The following KCNQ5 variants were observed in gnomAD, a reference collection of about 807,000 sequenced individuals.
KCNQ5 encodes the protein potassium voltage-gated channel subfamily KQT member 5.
In KCNQ5, 30 loss-of-function variants were observed where a neutral mutation model predicts 98.2. That is an observed-to-expected ratio of 0.31 (90% CI 0.23 to 0.41). KCNQ5 has a LOEUF of 0.41. Ranked by LOEUF, KCNQ5 falls within the 10% of genes least tolerant of loss-of-function variation. The probability of loss-of-function intolerance (pLI) is 1.00; values close to 1 mark genes in which losing one functional copy is unlikely to be tolerated. For missense variants in KCNQ5, 835 were observed against 1,182.5 expected (o/e 0.71, Z 4.31); for synonymous variants, 458 against 449.4 (o/e 1.02, Z -0.24).
chr6:73,035,333 G>A (rs148614954), intron 2 of KCNQ5, among the ~76,000 whole-genome samples: 12 of 152,246 alleles, frequency 7.9e-5, no homozygotes, highest in African/African-American at 2.9e-4. Flanking sequence ...GCTTCTAGGG[G>A]CTTAAATAAG....
chr6:72,625,847 C>A (rs2098917771), intron 1 of KCNQ5, among the ~76,000 whole-genome samples: 1 of 152,182 alleles, frequency 6.6e-6, no homozygotes, highest in Non-Finnish European at 1.5e-5. Context: ...TTCTTTACCA[C>A]TTCTATTCCA....
At chr6:72,666,575 A>C (rs943474784) in intron 1 of KCNQ5, among the ~76,000 whole-genome samples, 3 of 152,144 alleles carry the variant, frequency 2.0e-5, no homozygotes, top group Non-Finnish European at 4.4e-5. Context: ...TAAATGACTT[A>C]ATGTATTGAA....
At chr6:72,995,859 T>TA (rs1054669317) in intron 1 of KCNQ5, among the ~76,000 whole-genome samples, 6 of 152,026 alleles carry the variant, frequency 3.9e-5, no homozygotes, top group Admixed American at 2.0e-4. Flanking sequence ...TTAGTTCTTT[T>TA]AAAAAAAATG....
chr6:73,121,151 G>A, intron 8 of KCNQ5, among the ~76,000 whole-genome samples: 1 of 152,138 alleles, frequency 6.6e-6, no homozygotes, highest in East Asian at 1.9e-4. Flanking sequence ...TTTGGAATTT[G>A]CATTCACAAT....
Position 73,195,434 on chromosome 6 carries a change from G to A in KCNQ5, c.*20G>A. ...AAATAAGTTCTTCATTTTCTTTCCA[G>A]GCATAGCAGTTCTTTAGCCATACAT... On this transcript the variant is annotated 3_prime_UTR_variant, in exon 14 of 14. Coordinates refer to ENST00000370398, the MANE Select transcript of KCNQ5 (RefSeq NM_019842.4). 1 of 1,605,202 alleles carries A rather than the reference G, an allele frequency of 6.2e-7. No homozygotes were observed. The highest frequency in any genetic ancestry group is 8.5e-7 in the Non-Finnish European group (1 of 1,174,518).
At chr6:73,001,445 C>T (rs1285298522) in intron 1 of KCNQ5, among the ~76,000 whole-genome samples, 1 of 152,196 alleles carries the variant, frequency 6.6e-6, no homozygotes, top group Admixed American at 6.5e-5. Flanking sequence ...ATTAAAACAG[C>T]ATTCAAATAT....
intron 1 of KCNQ5, among the ~76,000 whole-genome samples, chr6:72,792,568 A>ACCC: frequency 6.6e-6 from 1 of 152,100 alleles, no homozygotes; most frequent in East Asian, 1.9e-4. Context: ...TTTCAGTCTT[A>ACCC]ATTTAGAATT....
rs566021761 is a variant in KCNQ5 at position 72,837,084 on chromosome 6, A to T, written c.399-166824A>T. ...ATATTCTAGTTCACCTTTTATATAAACCTTCAAATGAACCACTTAGCACCT... is the reference window on the plus strand; with the variant it reads ...ATATTCTAGTTCACCTTTTATATAATCCTTCAAATGAACCACTTAGCACCT... On this transcript the variant is annotated intron_variant, in intron 1 of 13. Coordinates refer to ENST00000370398, the MANE Select transcript of KCNQ5 (RefSeq NM_019842.4). Among the ~76,000 whole-genome samples the T allele has an allele frequency of 3.3e-5, 5 of 152,296 alleles. No homozygotes were observed. The South Asian group carries it at 1.0e-3, about 32-fold the overall frequency.
At chr6:72,641,543 C>G (rs1285234013) in intron 1 of KCNQ5, among the ~76,000 whole-genome samples, 1 of 152,044 alleles carries the variant, frequency 6.6e-6, no homozygotes, top group Non-Finnish European at 1.5e-5. Context: ...CTTGAAAATC[C>G]TGCCCTGCTT....
chr6:72,660,728 C>A (rs1462744085), intron 1 of KCNQ5, among the ~76,000 whole-genome samples: 6 of 152,140 alleles, frequency 3.9e-5, no homozygotes, highest in Non-Finnish European at 8.8e-5. Flanking sequence ...AATCGTTGCT[C>A]ATTCAGGCAA....
chr6:72,888,298 G>A (rs1426481089), intron 1 of KCNQ5, among the ~76,000 whole-genome samples: 1 of 152,064 alleles, frequency 6.6e-6, no homozygotes, highest in Non-Finnish European at 1.5e-5. Context: ...AATAAATAGG[G>A]TAGAATTGAT....
At chr6:72,845,443 T>C (rs532951911) in intron 1 of KCNQ5, among the ~76,000 whole-genome samples, 1 of 152,314 alleles carries the variant, frequency 6.6e-6, no homozygotes, top group South Asian at 2.1e-4. Flanking sequence ...GTGTCACATT[T>C]TCAAAAGAAT....
chr6:72,652,544 G>A (rs930676276), intron 1 of KCNQ5, among the ~76,000 whole-genome samples: 8 of 151,922 alleles, frequency 5.3e-5, no homozygotes, highest in Non-Finnish European at 7.4e-5. Context: ...GGATTGAACT[G>A]GGGGTCACTC....
intron 10 of KCNQ5, among the ~76,000 whole-genome samples, chr6:73,142,875 C>T (rs1776778588): frequency 6.6e-6 from 1 of 152,100 alleles, no homozygotes; most frequent in Non-Finnish European, 1.5e-5. Context: ...GAGATTGCAC[C>T]CTTGCACTCC....
At chr6:72,695,131 C>A (rs1265695273) in intron 1 of KCNQ5, among the ~76,000 whole-genome samples, 1 of 152,080 alleles carries the variant, frequency 6.6e-6, no homozygotes, top group Non-Finnish European at 1.5e-5. Context: ...GCACCTAGGT[C>A]AATTCTATGT....
chr6:72,956,550 T>C (rs1243786771), intron 1 of KCNQ5, among the ~76,000 whole-genome samples: 1 of 148,950 alleles, frequency 6.7e-6, no homozygotes, highest in African/African-American at 2.4e-5. Context: ...CTTTCTTTTA[T>C]TTTTTTTATT....
intron 1 of KCNQ5, among the ~76,000 whole-genome samples, chr6:72,900,872 G>A (rs1008964599): frequency 6.6e-5 from 10 of 151,802 alleles, no homozygotes; most frequent in African/African-American, 2.2e-4. Context: ...ATCACATGGT[G>A]GTTTTGATTT....
At chr6:73,181,357 C>G (rs1204010332) in intron 11 of KCNQ5, among the ~76,000 whole-genome samples, 2 of 152,192 alleles carry the variant, frequency 1.3e-5, no homozygotes, top group African/African-American at 4.8e-5. Flanking sequence ...ATGCAATCTA[C>G]CCTCATGAAG....
chr6:73,085,597 G>A (rs1263740671), intron 5 of KCNQ5, among the ~76,000 whole-genome samples: 1 of 152,194 alleles, frequency 6.6e-6, no homozygotes, highest in African/African-American at 2.4e-5. Context: ...TAGGGAGAAA[G>A]TGGGCAGGGT....
Sources: gnomAD v4.1 joint callset for allele counts (sites outside exome capture counted in the v4.1 genomes callset) on GRCh38, gnomAD v4.1.1 for gene constraint, MANE v1.5 for transcripts, NCBI Gene and HGNC (gene_info 2026-07-23, HGNC 2026-07-21) for gene names.